Variants in IGSF21 observed in about 807,000 individuals in gnomAD.
IGSF21 encodes the protein immunoglobin superfamily member 21, also known as immunoglobulin superfamily member 21.
IGSF21 carries 28 observed loss-of-function variants against 46.8 expected under a neutral mutation model. That is an observed-to-expected ratio of 0.60 (90% CI 0.44 to 0.82). The LOEUF (loss-of-function observed/expected upper bound fraction) is 0.82, where lower values mean the gene tolerates loss of function less well. IGSF21 is among the 40% of genes least tolerant of loss of function. The pLI, the probability that IGSF21 is intolerant of heterozygous loss-of-function variation, is 0.00. For synonymous variants in IGSF21, 284 were observed against 273.6 expected, an observed-to-expected ratio of 1.04 and a Z score of -0.38; for missense variants, 624 against 665.5, an observed-to-expected ratio of 0.94 and a Z score of 0.69.
intron 1 of IGSF21, among the ~76,000 whole-genome samples, chr1:18,188,140 G>A (rs1332737907): frequency 6.6e-6 from 1 of 152,060 alleles, no homozygotes; most frequent in African/African-American, 2.4e-5. Context: ...GCAAAGTTGT[G>A]GCTTGCTAGG....
intron 2 of IGSF21, among the ~76,000 whole-genome samples, chr1:18,278,506 G>C (rs1002842255): frequency 2.0e-5 from 3 of 151,410 alleles, no homozygotes; most frequent in African/African-American, 7.3e-5. Context: ...CTCCCAAAGT[G>C]CTGGGATTAC....
intron 1 of IGSF21, chr1:18,114,650 C>T (rs1309957602): frequency 6.6e-6 from 1 of 152,220 alleles, no homozygotes; most frequent in African/African-American, 2.4e-5. Context: ...CTTGAAAATG[C>T]ACAAAACACT....
chr1:18,108,101 CCGCCACCGCCGCCA>C lies in IGSF21; in HGVS notation c.-27_-14del, dbSNP rs768261376. On this transcript the variant is annotated 5_prime_UTR_variant, in exon 1 of 10. Transcript: ENST00000251296. ...CGCCACCGCCTCCACCCCCGCCGCC[CCGCCACCGCCGCCA>C]GCTCCCGGGCACCATGCGAACCGCC... 2.4e-5 allele frequency: 29 copies of C among 1,211,840 alleles called. No homozygotes were observed. The South Asian group carries it at 4.5e-4, about 19-fold the overall frequency. 75.1% of individuals were successfully genotyped at this position (1,211,840 alleles called of 1,614,324 possible). A position where few individuals can be genotyped will look rare whatever the true frequency, so the allele number is the denominator to read the frequency against.
chr1:18,284,176 G>A (rs1208919866), intron 2 of IGSF21, among the ~76,000 whole-genome samples: 3 of 152,204 alleles, frequency 2.0e-5, no homozygotes, highest in Non-Finnish European at 4.4e-5. Flanking sequence ...TCAAGCTCTA[G>A]CCTGAGGTTG....
chr1:18,285,189 C>CT lies in IGSF21; in HGVS notation c.184-6663dup, dbSNP rs11346536. Among the ~76,000 whole-genome samples the CT allele has an allele frequency of 4.4e-3, 623 of 140,552 alleles. 6 individuals are homozygous for CT. The highest frequency in any genetic ancestry group is 0.015 in the African/African-American group (588 of 38,622). 92.2% of individuals were successfully genotyped at this position (140,552 alleles called of 152,430 possible). On this transcript the variant is annotated intron_variant, in intron 2 of 9. Coordinates refer to ENST00000251296, the MANE Select transcript of IGSF21 (RefSeq NM_032880.5). ...GGGGGAGGTGATATTTTCCCCTTTT[C>CT]TTTTTTTTTTTTTTCTTTTTCGGAT...
intron 3 of IGSF21, among the ~76,000 whole-genome samples, chr1:18,305,575 GATT>G (rs371580133): frequency 1.3e-3 from 98 of 76,680 alleles, no homozygotes; most frequent in East Asian, 1.5e-3. Flanking sequence ...TGGATGGATG[GATT>G]ATGGATGGAT....
rs748168348 is a variant in IGSF21 at position 18,365,291 on chromosome 1, C to T, written c.609C>T (p.Ser203=). ...VPLSEPPAAS[S]GPLQDSRPFR... The stretch of plus-strand genomic sequence containing the variant: ...TATCAGAGCCACCAGCTGCGAGCTC[C>T]GGCCCCCTACAGGACAGCAGGCCCT... Residue 203 remains serine, a synonymous_variant, in exon 6 of 10, where the codon TCC becomes TCT. Coordinates refer to ENST00000251296, the MANE Select transcript of IGSF21 (RefSeq NM_032880.5). This position sits in a 1 kb window ranked among gnomAD's most constrained non-coding sequence, Gnocchi z 4.8. 5 of 1,613,974 alleles carry T rather than the reference C, an allele frequency of 3.1e-6. No individual in the cohort carries two copies. The South Asian group carries it at 3.3e-5, about 11-fold the overall frequency.
chr1:18,193,218 G>A (rs2086974857), intron 1 of IGSF21, among the ~76,000 whole-genome samples: 1 of 152,100 alleles, frequency 6.6e-6, no homozygotes, highest in African/African-American at 2.4e-5. Context: ...GAGCAGCATA[G>A]AGGCCCCTGT....
chr1:18,193,534 G>T (rs778566115), intron 1 of IGSF21, among the ~76,000 whole-genome samples: 5 of 152,156 alleles, frequency 3.3e-5, no homozygotes, highest in Admixed American at 6.5e-5. Context: ...ATGCTCGAGG[G>T]CAGGAAGCAT....
chr1:18,230,222 G>C (rs1331049077), intron 2 of IGSF21, among the ~76,000 whole-genome samples: 1 of 152,150 alleles, frequency 6.6e-6, no homozygotes, highest in Non-Finnish European at 1.5e-5. Flanking sequence ...GAGCAGGACT[G>C]GGGCAGGAGG....
chr1:18,147,907 C>A (rs1386746092), intron 1 of IGSF21, among the ~76,000 whole-genome samples: 2 of 152,122 alleles, frequency 1.3e-5, no homozygotes, highest in Non-Finnish European at 2.9e-5. Flanking sequence ...GGGGGTGGGT[C>A]TTTCCTGTGC....
chr1:18,356,958 C>A (rs190289001), intron 4 of IGSF21, among the ~76,000 whole-genome samples: 39 of 148,840 alleles, frequency 2.6e-4, no homozygotes, highest in African/African-American at 9.2e-4. Context: ...GGAAATGGAG[C>A]TGAATGTGAG....
At chr1:18,269,713 C>T (rs2085024781) in intron 2 of IGSF21, among the ~76,000 whole-genome samples, 1 of 152,168 alleles carries the variant, frequency 6.6e-6, no homozygotes, top group Non-Finnish European at 1.5e-5. Context: ...AGCGCATCTC[C>T]CTCATCCCTC....
intron 1 of IGSF21, among the ~76,000 whole-genome samples, chr1:18,161,479 C>T (rs550123981): frequency 1.3e-5 from 2 of 152,188 alleles, no homozygotes; most frequent in East Asian, 3.9e-4. Flanking sequence ...CCACCAAAAG[C>T]CTTATTTACC....
intron 1 of IGSF21, among the ~76,000 whole-genome samples, chr1:18,201,126 G>A (rs371914183): frequency 6.6e-6 from 1 of 152,214 alleles, no homozygotes; most frequent in Non-Finnish European, 1.5e-5. Flanking sequence ...ATTCTGGGTA[G>A]AGGAAGGAGC....
At chr1:18,178,830 A>G (rs530662275) in intron 1 of IGSF21, among the ~76,000 whole-genome samples, 3 of 151,124 alleles carry the variant, frequency 2.0e-5, no homozygotes, top group Non-Finnish European at 4.4e-5. Context: ...CCAGGCAGGC[A>G]GCAGTTCGGG....
At chr1:18,201,698 C>T (rs2087076773) in intron 1 of IGSF21, among the ~76,000 whole-genome samples, 1 of 152,084 alleles carries the variant, frequency 6.6e-6, no homozygotes, top group African/African-American at 2.4e-5. Flanking sequence ...CTCCTCTGCC[C>T]TCTCATTGGG....
At position 18,334,888 on chromosome 1, in the gene IGSF21, C is replaced by A; in HGVS notation, c.306-4C>A. The A allele has an allele frequency of 6.2e-7, 1 of 1,612,872 alleles. No individual in the cohort carries two copies. Among genetic ancestry groups the A allele is most frequent in the Non-Finnish European group, 8.5e-7 (1 of 1,178,936 alleles). ...GCCCTCACCCTGTCTTCTGCCTCCC[C>A]CAGGCTGCCCGAGGTCCGGATCTCA... On this transcript the variant is annotated splice_region_variant and splice_polypyrimidine_tract_variant and intron_variant, in intron 3 of 9. Transcript: ENST00000251296. This position sits in a 1 kb window ranked among gnomAD's most constrained non-coding sequence, Gnocchi z 4.3.
At chr1:18,228,724 T>C (rs956345718) in intron 2 of IGSF21, among the ~76,000 whole-genome samples, 3 of 152,078 alleles carry the variant, frequency 2.0e-5, no homozygotes, top group African/African-American at 7.2e-5. Flanking sequence ...CATGCTTGAG[T>C]GTGCACAGAT....
Sources: allele counts gnomAD v4.1 joint callset (sites outside exome capture counted in the v4.1 genomes callset), GRCh38; gene constraint gnomAD v4.1.1; non-coding constraint Gnocchi (gnomAD v3.1); transcripts MANE v1.5; gene names NCBI Gene and HGNC (gene_info 2026-07-23, HGNC 2026-07-21).